PAWR: variants seen among roughly 807,000 people sequenced by gnomAD.
The protein encoded by PAWR is PRKC apoptosis WT1 regulator protein.
Under a neutral mutation model 32.0 loss-of-function variants are expected in PAWR, and 23 were observed. The ratio of observed to expected loss-of-function variants is 0.72; its 90% CI spans 0.52 to 1.02. The LOEUF (loss-of-function observed/expected upper bound fraction) is 1.02. Ranked by LOEUF, PAWR falls within the 50% of genes least tolerant of loss-of-function variation. PAWR has a pLI of 0.00. For missense variants in PAWR, 457 were observed against 437.7 expected (o/e 1.04, Z -0.39); for synonymous variants, 226 against 187.1 (o/e 1.21, Z -1.70).
At chr12:79,678,956 G>A (rs1376620216) in intron 2 of PAWR, among the ~76,000 whole-genome samples, 4 of 150,810 alleles carry the variant, frequency 2.7e-5, no homozygotes, top group African/African-American at 9.8e-5. Flanking sequence ...GAAGTGCAGT[G>A]GCATTATCAT....
At position 79,587,530 on chromosome 12, in the gene PAWR, T is replaced by C. The variant is rs1294855123; in HGVS notation, c.*5077A>G. ...TAGTTTTAAAACACAATTAAAATTTTCAGTCAGGCTGAACTTTTGTGCACT... is the reference window on the plus strand; with the variant it reads ...TAGTTTTAAAACACAATTAAAATTTCCAGTCAGGCTGAACTTTTGTGCACT... On this transcript the variant is annotated 3_prime_UTR_variant, in exon 7 of 7. Coordinates refer to ENST00000328827, the MANE Select transcript of PAWR (RefSeq NM_002583.4). The C allele has an allele frequency of 6.6e-6, 1 of 152,060 alleles. No homozygotes were observed. The highest frequency in any genetic ancestry group is 1.5e-5 in the Non-Finnish European group (1 of 67,896). 9.4% of individuals were successfully genotyped at this position (152,060 alleles called of 1,614,324 possible). A position where few individuals can be genotyped will look rare whatever the true frequency, so the allele number is the denominator to read the frequency against.
At chr12:79,648,793 G>GGAAAAAAAA in intron 2 of PAWR, among the ~76,000 whole-genome samples, 1 of 120,412 alleles carries the variant, frequency 8.3e-6, no homozygotes, top group African/African-American at 4.7e-5. Context: ...ACAGGGGCTA[G>GGAAAAAAAA]AAAAAAAAAA....
Position 79,612,738 on chromosome 12 carries a change from C to T in PAWR, c.683+837G>A, listed in dbSNP as rs8176886. On this transcript the variant is annotated intron_variant, in intron 4 of 6. Coordinates refer to ENST00000328827, the MANE Select transcript of PAWR (RefSeq NM_002583.4). ...ATATTTATCATTCTAGGATTATTAG[C>T]GCAAGTATGACCACATGCTTCTGCA... Among the ~76,000 whole-genome samples, 739 of 152,262 alleles carry T rather than the reference C, an allele frequency of 4.9e-3. 7 individuals are homozygous for T. The highest frequency in any genetic ancestry group is 0.017 in the African/African-American group (701 of 41,550).
At position 79,632,337 on chromosome 12, in the gene PAWR, A is replaced by G. The variant is rs1331227928; in HGVS notation, c.517-11130T>C. On this transcript the variant is annotated intron_variant, in intron 2 of 6. Transcript: ENST00000328827. ...CATATATATATATATATATATATAT[A>G]TATATATATATATATATATATATAT... is the stretch of plus-strand genomic sequence containing the variant. 7.3e-4 allele frequency among the ~76,000 whole-genome samples: 37 copies of G among 50,950 alleles called. 3 individuals are homozygous for G. In the South Asian group the frequency reaches 0.011, roughly 15 times the overall value. 33.4% of individuals were successfully genotyped at this position (50,950 alleles called of 152,430 possible).
At chr12:79,687,923 CAG>C (rs1844644901) in intron 2 of PAWR, among the ~76,000 whole-genome samples, 1 of 152,022 alleles carries the variant, frequency 6.6e-6, no homozygotes, top group Non-Finnish European at 1.5e-5. Context: ...TTGAAACGGA[CAG>C]AGACATAGTT....
chr12:79,686,859 A>G (rs1313058524), intron 2 of PAWR, among the ~76,000 whole-genome samples: 1 of 152,144 alleles, frequency 6.6e-6, no homozygotes, highest in African/African-American at 2.4e-5. Context: ...CTGTTAACTC[A>G]GTACTTAAAT....
At position 79,585,702 on chromosome 12, in the gene PAWR, G is replaced by A. The variant is rs1477296259; in HGVS notation, c.*6905C>T. The A allele has an allele frequency of 6.6e-6, 1 of 152,238 alleles. No individual in the cohort carries two copies. The highest frequency in any genetic ancestry group is 1.9e-4 in the East Asian group (1 of 5,204). The allele number at this position is 152,238 out of a possible 1,614,324, so 9.4% of individuals were successfully genotyped here. On this transcript the variant is annotated 3_prime_UTR_variant, in exon 7 of 7. Coordinates refer to ENST00000328827, the MANE Select transcript of PAWR (RefSeq NM_002583.4). ...GTTACCTGAGATGCTTTGCTTCATT[G>A]AAACTATATTGATTATTTTTATTTT...
At chr12:79,620,684 G>T (rs573731357) in intron 3 of PAWR, among the ~76,000 whole-genome samples, 27 of 152,198 alleles carry the variant, frequency 1.8e-4, no homozygotes, top group Admixed American at 3.3e-4. Context: ...AGGCAGCCTG[G>T]CATGGGGTAT....
At position 79,586,317 on chromosome 12, in the gene PAWR, T is replaced by C. The variant is rs1292456649; in HGVS notation, c.*6290A>G. ...ATGATTTACGTTTTTCAAATGTGGA[T>C]TTCTTAGGCCTTTGACTGATAGCTT... On this transcript the variant is annotated 3_prime_UTR_variant, in exon 7 of 7. Transcript: ENST00000328827. 1 of 152,640 alleles carries C rather than the reference T, an allele frequency of 6.6e-6. No individual in the cohort carries two copies. Among genetic ancestry groups the C allele is most frequent in the Non-Finnish European group, 1.5e-5 (1 of 68,038 alleles). The allele number at this position is 152,640 out of a possible 1,614,324, so 9.5% of individuals were successfully genotyped here.
chr12:79,657,745 G>C (rs1390558536), intron 2 of PAWR, among the ~76,000 whole-genome samples: 5 of 151,480 alleles, frequency 3.3e-5, no homozygotes, highest in African/African-American at 1.2e-4. Flanking sequence ...AGTGAGCCGA[G>C]ATCGCGCCAC....
chr12:79,592,538 T>C lies in PAWR; in HGVS notation c.*69A>G. ...AATGTATTGCAGCATAGGAATATTGTGCTAGCATTGACCATTAACATTCAA... is the reference window on the plus strand; with the variant it reads ...AATGTATTGCAGCATAGGAATATTGCGCTAGCATTGACCATTAACATTCAA... On this transcript the variant is annotated 3_prime_UTR_variant, in exon 7 of 7. Coordinates refer to ENST00000328827, the MANE Select transcript of PAWR (RefSeq NM_002583.4). 1.4e-6 allele frequency: 1 copy of C among 705,640 alleles called. No homozygotes were observed. Among genetic ancestry groups the C allele is most frequent in the Non-Finnish European group, 2.5e-6 (1 of 393,572 alleles). The allele number at this position is 705,640 out of a possible 1,614,324, so 43.7% of individuals were successfully genotyped here. A position where few individuals can be genotyped will look rare whatever the true frequency, so the allele number is the denominator to read the frequency against.
At chr12:79,654,848 A>G (rs879463170) in intron 2 of PAWR, among the ~76,000 whole-genome samples, 2 of 152,182 alleles carry the variant, frequency 1.3e-5, no homozygotes, top group Non-Finnish European at 2.9e-5. Context: ...CCCTCTCTCT[A>G]AACATGGTGA....
Position 79,596,506 on chromosome 12 carries a change from C to A in PAWR, c.831+5G>T. The A allele has an allele frequency of 1.4e-6, 2 of 1,462,674 alleles. No individual in the cohort carries two copies. Among genetic ancestry groups the A allele is most frequent in the South Asian group, 2.5e-5 (2 of 81,594 alleles). 90.6% of individuals were successfully genotyped at this position (1,462,674 alleles called of 1,614,324 possible). Reference sequence around the variant, plus strand: ...TATCAATCTTAAATAACTTATAATCCATACCTTTTCAAGATCTTCAATTTT... The same window carrying A: ...TATCAATCTTAAATAACTTATAATCAATACCTTTTCAAGATCTTCAATTTT... On this transcript the variant is annotated splice_donor_5th_base_variant and intron_variant, in intron 5 of 6. Coordinates refer to ENST00000328827, the MANE Select transcript of PAWR (RefSeq NM_002583.4).
chr12:79,662,308 T>A (rs545152441), intron 2 of PAWR, among the ~76,000 whole-genome samples: 4 of 151,666 alleles, frequency 2.6e-5, no homozygotes, highest in Admixed American at 2.6e-4. Flanking sequence ...GAAAAAACAG[T>A]TTTTACTGAT....
intron 2 of PAWR, among the ~76,000 whole-genome samples, chr12:79,658,613 A>T (rs1158037215): frequency 6.6e-6 from 1 of 152,194 alleles, no homozygotes; most frequent in African/African-American, 2.4e-5. Flanking sequence ...TAACACTAAA[A>T]TTTCAAGAGA....
At chr12:79,656,655 G>A (rs1348161269) in intron 2 of PAWR, among the ~76,000 whole-genome samples, 1 of 152,150 alleles carries the variant, frequency 6.6e-6, no homozygotes, top group African/African-American at 2.4e-5. Flanking sequence ...GGAAAATATT[G>A]ACTGGAAATA....
intron 4 of PAWR, among the ~76,000 whole-genome samples, chr12:79,609,678 T>C (rs1874350291): frequency 6.6e-6 from 1 of 152,038 alleles, no homozygotes; most frequent in Admixed American, 6.6e-5. Context: ...AGCTCCCCTT[T>C]CATTGGCAAT....
intron 2 of PAWR, among the ~76,000 whole-genome samples, chr12:79,661,755 T>C (rs1056187079): frequency 6.6e-6 from 1 of 152,184 alleles, no homozygotes; most frequent in Non-Finnish European, 1.5e-5. Flanking sequence ...TCAATAGGCA[T>C]CTATGAAAAG....
intron 5 of PAWR, among the ~76,000 whole-genome samples, chr12:79,596,295 A>G (rs550129451): frequency 2.6e-4 from 40 of 152,318 alleles, no homozygotes; most frequent in African/African-American, 9.4e-4. Flanking sequence ...CTATTCAGAC[A>G]ATATAATAAA....
Sources: gnomAD v4.1 joint callset for allele counts (sites outside exome capture counted in the v4.1 genomes callset) on GRCh38, gnomAD v4.1.1 for gene constraint, MANE v1.5 for transcripts, NCBI Gene and HGNC (gene_info 2026-07-23, HGNC 2026-07-21) for gene names.